Variants in SLC24A2 observed in about 807,000 individuals in gnomAD.
SLC24A2 encodes the protein solute carrier family 24 member 2.
A neutral mutation model predicts 62.0 loss-of-function variants in SLC24A2; 36 were observed. That is an observed-to-expected ratio of 0.58 (90% confidence interval 0.44 to 0.77). The LOEUF (loss-of-function observed/expected upper bound fraction) is 0.77. SLC24A2 is among the 30% of genes least tolerant of loss of function. The pLI, the probability that SLC24A2 is intolerant of heterozygous loss-of-function variation, is 0.00. For synonymous variants in SLC24A2, 358 were observed against 294.0 expected (o/e 1.22, Z -2.23); for missense variants, 846 against 817.9 (o/e 1.03, Z -0.42).
chr9:19,834,105 A>G, the SLC24A2 span, among the ~76,000 whole-genome samples: 5 of 152,188 alleles, frequency 3.3e-5, no homozygotes, highest in African/African-American at 9.7e-5. Context: ...CCAAAGGTAG[A>G]TAAAACCACA....
At chr9:20,304,694 G>T in the SLC24A2 span, among the ~76,000 whole-genome samples, 1 of 152,050 alleles carries the variant, frequency 6.6e-6, no homozygotes, top group Admixed American at 6.5e-5. Context: ...AATTATGCTG[G>T]GTCTCCAGGA....
intron 2 of SLC24A2, among the ~76,000 whole-genome samples, chr9:19,733,409 C>T (rs190218356): frequency 1.1e-4 from 17 of 152,270 alleles, no homozygotes; most frequent in Admixed American, 1.0e-3. Context: ...CCCCTTCAGT[C>T]ATCCAGCCCA....
intron 8 of SLC24A2, among the ~76,000 whole-genome samples, chr9:19,539,761 G>A (rs1230289014): frequency 1.5e-4 from 2 of 13,646 alleles, no homozygotes; most frequent in African/African-American, 6.2e-4. Context: ...GGGTATCCTT[G>A]TTGACTTTCT....
the SLC24A2 span, among the ~76,000 whole-genome samples, chr9:20,186,519 T>C: frequency 1.3e-5 from 2 of 152,160 alleles, no homozygotes; most frequent in African/African-American, 4.8e-5. Flanking sequence ...ATTGAACTCA[T>C]CCTTTGCCAG....
At position 19,672,340 on chromosome 9, in the gene SLC24A2, C is replaced by T. The variant is rs1290071101; in HGVS notation, c.931-50041G>A. 1.4e-5 allele frequency among the ~76,000 whole-genome samples: 2 copies of T among 146,314 alleles called. 1 individual carries two copies. Among genetic ancestry groups the T allele is most frequent in the African/African-American group, 5.4e-5 (2 of 37,096 alleles). ...CTAGTTTATGCATGTAGAGGTATTC[C>T]TAGTAGCCTTGAATAATCTTTTGTC... On this transcript the variant is annotated intron_variant, in intron 2 of 10. Coordinates refer to ENST00000341998, the MANE Select transcript of SLC24A2 (RefSeq NM_020344.4).
At chr9:20,015,203 G>A in the SLC24A2 span, among the ~76,000 whole-genome samples, 2 of 152,212 alleles carry the variant, frequency 1.3e-5, no homozygotes, top group Non-Finnish European at 2.9e-5. Flanking sequence ...ATCTGGTGCT[G>A]GGCCTAACCT....
chr9:19,690,782 C>G (rs1421872904), intron 2 of SLC24A2, among the ~76,000 whole-genome samples: 1 of 152,034 alleles, frequency 6.6e-6, no homozygotes, highest in African/African-American at 2.4e-5. Context: ...ATCCTTTTCC[C>G]CTATAATTCA....
intron 4 of SLC24A2, among the ~76,000 whole-genome samples, chr9:19,601,095 C>G (rs549437177): frequency 6.6e-6 from 1 of 151,988 alleles, no homozygotes; most frequent in Admixed American, 6.6e-5. Flanking sequence ...CACTCTGTAG[C>G]TAGCAAGGGG....
the SLC24A2 span, among the ~76,000 whole-genome samples, chr9:20,022,023 C>T: frequency 6.6e-6 from 1 of 152,186 alleles, no homozygotes; most frequent in Non-Finnish European, 1.5e-5. Flanking sequence ...CCCTAAAATC[C>T]TGATTTAATT....
At chr9:19,842,920 C>T in the SLC24A2 span, among the ~76,000 whole-genome samples, 9 of 152,068 alleles carry the variant, frequency 5.9e-5, no homozygotes, top group Non-Finnish European at 1.0e-4. Flanking sequence ...TAATGTTTTT[C>T]CTAATGTTGG....
At chr9:19,700,223 C>T (rs1820315601) in intron 2 of SLC24A2, among the ~76,000 whole-genome samples, 1 of 152,116 alleles carries the variant, frequency 6.6e-6, no homozygotes, top group African/African-American at 2.4e-5. Flanking sequence ...CTCTTTGAGC[C>T]TTAGCCTCAC....
the SLC24A2 span, among the ~76,000 whole-genome samples, chr9:20,093,521 T>G: frequency 6.6e-6 from 1 of 152,240 alleles, no homozygotes; most frequent in African/African-American, 2.4e-5. Flanking sequence ...GAAATACATT[T>G]ACCAAAAATA....
At chr9:19,539,145 C>G (rs1352279144) in intron 8 of SLC24A2, among the ~76,000 whole-genome samples, 66 of 68,140 alleles carry the variant, frequency 9.7e-4, no homozygotes, top group African/African-American at 3.8e-3. Flanking sequence ...TTGATCCTTT[C>G]AAAAAACCAG....
the SLC24A2 span, among the ~76,000 whole-genome samples, chr9:19,845,191 C>G: frequency 8.1e-4 from 124 of 152,214 alleles, 4 homozygotes; most frequent in South Asian, 0.025. Flanking sequence ...TGATTTGTTT[C>G]AGCAGTCTTT....
chr9:19,873,511 CTT>C, the SLC24A2 span, among the ~76,000 whole-genome samples: 1 of 112,748 alleles, frequency 8.9e-6, no homozygotes, highest in Non-Finnish European at 1.9e-5. Flanking sequence ...CTTTCTTTTT[CTT>C]TCTCTCTCTC....
At chr9:20,088,780 C>T in the SLC24A2 span, among the ~76,000 whole-genome samples, 2 of 151,602 alleles carry the variant, frequency 1.3e-5, no homozygotes, top group Non-Finnish European at 3.0e-5. Flanking sequence ...CATCGGGGTC[C>T]CCAGCCTCCC....
the SLC24A2 span, among the ~76,000 whole-genome samples, chr9:20,194,532 T>G: frequency 1.9e-4 from 29 of 152,288 alleles, no homozygotes; most frequent in Middle Eastern, 3.4e-3. Context: ...AAATATTTAT[T>G]TAACAGAGTT....
the SLC24A2 span, among the ~76,000 whole-genome samples, chr9:20,033,152 G>C: frequency 6.6e-6 from 1 of 152,312 alleles, no homozygotes; most frequent in African/African-American, 2.4e-5. Flanking sequence ...TGAGAAACAT[G>C]ACTGTGTGGC....
chr9:20,057,202 A>G, the SLC24A2 span, among the ~76,000 whole-genome samples: 1 of 152,222 alleles, frequency 6.6e-6, no homozygotes, highest in Non-Finnish European at 1.5e-5. Context: ...TACTCATGCT[A>G]TCCCTATAAC....
Sources: gnomAD v4.1 joint callset for allele counts (sites outside exome capture counted in the v4.1 genomes callset) on GRCh38, gnomAD v4.1.1 for gene constraint, MANE v1.5 for transcripts, NCBI Gene and HGNC (gene_info 2026-07-23, HGNC 2026-07-21) for gene names.